The following PTPRQ variants were observed in gnomAD, a reference collection of about 807,000 sequenced individuals.
PTPRQ encodes protein tyrosine phosphatase receptor type Q, also known as phosphatidylinositol phosphatase PTPRQ.
In PTPRQ, 199 loss-of-function variants were observed where a neutral mutation model predicts 246.0. The ratio of observed to expected loss-of-function variants is 0.81; its 90% CI spans 0.72 to 0.91. The LOEUF is 0.91. Ranked by LOEUF, PTPRQ falls within the 40% of genes least tolerant of loss-of-function variation. The pLI is 0.00. For synonymous variants in PTPRQ, 869 were observed against 853.2 expected, an observed-to-expected ratio of 1.02 and a Z score of -0.32; for missense variants, 2,624 against 2,528.4, an observed-to-expected ratio of 1.04 and a Z score of -0.81.
chr12:80,673,643 C>A (rs1901043386), intron 43 of PTPRQ, among the ~76,000 whole-genome samples: 1 of 152,008 alleles, frequency 6.6e-6, no homozygotes, highest in Non-Finnish European at 1.5e-5. Context: ...TTTTGAATAT[C>A]ATTATCTTTT....
chr12:80,651,676 T>G (rs1490455917), intron 37 of PTPRQ, among the ~76,000 whole-genome samples: 1 of 152,118 alleles, frequency 6.6e-6, no homozygotes, highest in East Asian at 1.9e-4. Flanking sequence ...AGTCTAGAAA[T>G]GGAAACTTTT....
At chr12:80,454,143 C>T (rs1242221777) in intron 3 of PTPRQ, among the ~76,000 whole-genome samples, 1 of 123,682 alleles carries the variant, frequency 8.1e-6, no homozygotes, top group African/African-American at 3.8e-5. Context: ...AGCAATCAGG[C>T]AGACTCCGTG....
chr12:80,529,445 T>A (rs567799746), intron 17 of PTPRQ, among the ~76,000 whole-genome samples: 1 of 152,288 alleles, frequency 6.6e-6, no homozygotes, highest in Admixed American at 6.5e-5. Flanking sequence ...ACTAAGACTA[T>A]GACTTTTCAA....
intron 14 of PTPRQ, among the ~76,000 whole-genome samples, chr12:80,502,529 G>A (rs952284994): frequency 1.3e-5 from 2 of 151,898 alleles, no homozygotes; most frequent in African/African-American, 4.8e-5. Context: ...GCAGAGTTTT[G>A]TTTAATTCCA....
At chr12:80,608,126 G>T (rs1417647189) in intron 27 of PTPRQ, among the ~76,000 whole-genome samples, 1 of 150,658 alleles carries the variant, frequency 6.6e-6, no homozygotes, top group Non-Finnish European at 1.5e-5. Context: ...GATGGGAAAG[G>T]GTGGAGGCGG....
At chr12:80,592,559 G>A (rs1897834951) in intron 26 of PTPRQ, among the ~76,000 whole-genome samples, 1 of 152,248 alleles carries the variant, frequency 6.6e-6, no homozygotes, top group Admixed American at 6.5e-5. Context: ...AGTAACGGAA[G>A]TCTTGAAGAG....
intron 26 of PTPRQ, among the ~76,000 whole-genome samples, chr12:80,591,443 C>A (rs183157111): frequency 6.6e-6 from 1 of 152,104 alleles, no homozygotes; most frequent in East Asian, 1.9e-4. Flanking sequence ...TTCTTATTGT[C>A]TAGAATAGTT....
At chr12:80,623,325 A>T (rs1052835151) in intron 33 of PTPRQ, among the ~76,000 whole-genome samples, 3 of 152,178 alleles carry the variant, frequency 2.0e-5, no homozygotes, top group Non-Finnish European at 4.4e-5. Context: ...TGCTACATAG[A>T]TGTTTGTAGA....
chr12:80,506,623 G>C lies in PTPRQ; in HGVS notation c.2510G>C (p.Gly837Ala). The C allele has an allele frequency of 6.5e-7, 1 of 1,543,604 alleles. No homozygotes were observed. The change falls in exon 16 of 45, where the codon GGT (glycine) becomes GCT (alanine). Residue 837 changes from glycine to alanine, a missense_variant. Gly to Ala is a moderately conservative substitution (Grantham distance 60). Transcript: ENST00000644991. ...GAGGTGTCTGCTAGTACACTCAAAG[G>C]TGAAGGAGTTCGGAGTGCTCCCATA... ...IIEVSASTLK[G>A]EGVRSAPISI...
At chr12:80,603,121 C>G (rs555744279) in intron 26 of PTPRQ, among the ~76,000 whole-genome samples, 1 of 151,816 alleles carries the variant, frequency 6.6e-6, no homozygotes, top group African/African-American at 2.4e-5. Context: ...ACTACTTTCT[C>G]TATCTCAATT....
intron 19 of PTPRQ, among the ~76,000 whole-genome samples, chr12:80,536,269 A>G (rs1895986027): frequency 6.6e-6 from 1 of 152,228 alleles, no homozygotes; most frequent in Admixed American, 6.5e-5. Context: ...ACAAATTCTG[A>G]GTTACCTAAT....
chr12:80,651,494 C>CT (rs1037922114), intron 37 of PTPRQ, among the ~76,000 whole-genome samples: 5 of 152,012 alleles, frequency 3.3e-5, no homozygotes, highest in Non-Finnish European at 7.4e-5. Flanking sequence ...CAAAAACGGT[C>CT]TAACTCATCT....
intron 42 of PTPRQ, among the ~76,000 whole-genome samples, chr12:80,672,879 C>T (rs1295766948): frequency 6.6e-6 from 1 of 152,014 alleles, no homozygotes; most frequent in Non-Finnish European, 1.5e-5. Flanking sequence ...AAAAAAATCT[C>T]TATACTTCAA....
chr12:80,670,348 G>C lies in PTPRQ; in HGVS notation c.6458G>C (p.Gly2153Ala). ...TTAATCCGTCCCTTTGTCTAGCATG[G>C]GGATTGCATGACTGTTCGACAGTGT... Reference protein sequence around the residue: ...TIRDLKIERHGDCMTVRQCNF... With the variant: ...TIRDLKIERHADCMTVRQCNF... Residue 2153 changes from glycine to alanine, a missense_variant, in exon 42 of 45, where the codon GGG (glycine) becomes GCG (alanine). Physicochemically the swap from Gly to Ala is moderately conservative, Grantham distance 60 (BLOSUM62 0). Transcript: ENST00000644991. The C allele has an allele frequency of 6.5e-7, 1 of 1,550,240 alleles. No homozygotes were observed. The highest frequency in any genetic ancestry group is 1.2e-5 in the South Asian group (1 of 83,850).
rs1301439885 is a variant in PTPRQ at position 80,468,712 on chromosome 12, C to T, written c.913C>T (p.Pro305Ser). 6 of 1,533,352 alleles carry T rather than the reference C, an allele frequency of 3.9e-6. No homozygotes were observed. The highest frequency in any genetic ancestry group is 1.3e-5 in the South Asian group (1 of 78,498). 95.0% of individuals were successfully genotyped at this position (1,533,352 alleles called of 1,614,324 possible). ...STIVRTPESV[P>S]EGPPQNCVTG... ...TTTATTTTCTATAATTATTTTAGTG[C>T]CTGAAGGACCACCACAAAACTGCGT... The change falls in exon 7 of 45, where the codon CCT becomes TCT. Residue 305 changes from proline to serine, a missense_variant and splice_region_variant. Coordinates refer to ENST00000644991, the MANE Select transcript of PTPRQ (RefSeq NM_001145026.2).
chr12:80,453,065 CT>C (rs1351558744), intron 3 of PTPRQ, among the ~76,000 whole-genome samples: 2 of 152,060 alleles, frequency 1.3e-5, no homozygotes, highest in Non-Finnish European at 2.9e-5. Flanking sequence ...TTGTTCATTT[CT>C]TTTTATTCTT....
At chr12:80,500,383 T>C (rs868398699) in intron 14 of PTPRQ, among the ~76,000 whole-genome samples, 33 of 152,032 alleles carry the variant, frequency 2.2e-4, no homozygotes, top group South Asian at 2.1e-4. Flanking sequence ...TGTCTTGCTT[T>C]ATCTACCTGA....
At chr12:80,461,496 A>T (rs1241330788) in intron 6 of PTPRQ, among the ~76,000 whole-genome samples, 1 of 151,942 alleles carries the variant, frequency 6.6e-6, no homozygotes, top group Non-Finnish European at 1.5e-5. Context: ...AGGTATTCAT[A>T]TATTTAATTA....
chr12:80,570,292 G>T (rs1160878483), intron 25 of PTPRQ, among the ~76,000 whole-genome samples: 1 of 152,132 alleles, frequency 6.6e-6, no homozygotes, highest in Non-Finnish European at 1.5e-5. Flanking sequence ...GCTTGAGATG[G>T]TATCTCATTG....
Sources: gnomAD v4.1 joint callset for allele counts (sites outside exome capture counted in the v4.1 genomes callset) on GRCh38, gnomAD v4.1.1 for gene constraint, MANE v1.5 for transcripts, NCBI Gene and HGNC (gene_info 2026-07-23, HGNC 2026-07-21) for gene names.